RAPGEF4: variants seen among roughly 807,000 people sequenced by gnomAD.
RAPGEF4 encodes the protein Rap guanine nucleotide exchange factor 4.
In RAPGEF4, 66 loss-of-function variants were observed where a neutral mutation model predicts 147.9. The ratio of observed to expected loss-of-function variants is 0.45; its 90% CI spans 0.37 to 0.55. The LOEUF is 0.55. RAPGEF4 is among the 20% of genes least tolerant of loss of function. The pLI, the probability that RAPGEF4 is intolerant of heterozygous loss-of-function variation, is 0.00. For missense variants in RAPGEF4, 1,071 were observed against 1,257.3 expected (o/e 0.85, Z 2.24); for synonymous variants, 419 against 442.7 (o/e 0.95, Z 0.67).
intron 28 of RAPGEF4, 137 bp downstream of exon 28, chr2:173,036,349 G>A: frequency 4.0e-6 from 3 of 743,508 alleles, no homozygotes; most frequent in Non-Finnish European, 6.8e-6. Context: ...TCTCCTCTCA[G>A]TCCTGACTGT....
At chr2:172,804,690 G>A (rs1220129128) in intron 3 of RAPGEF4, among the ~76,000 whole-genome samples, 1 of 152,222 alleles carries the variant, frequency 6.6e-6, no homozygotes, top group African/African-American at 2.4e-5. Flanking sequence ...AAGGGCACCT[G>A]CTCACAAGCT....
At chr2:172,851,904 A>T (rs546305163) in intron 4 of RAPGEF4, among the ~76,000 whole-genome samples, 2 of 152,330 alleles carry the variant, frequency 1.3e-5, no homozygotes, top group South Asian at 4.1e-4. Flanking sequence ...AACTCCCGAG[A>T]CTTGCAATTT....
chr2:172,958,715 A>G (rs924679585), intron 6 of RAPGEF4, among the ~76,000 whole-genome samples: 1 of 152,232 alleles, frequency 6.6e-6, no homozygotes, highest in Non-Finnish European at 1.5e-5. Flanking sequence ...AGTGATTTCA[A>G]GAGGGGAAAA....
At chr2:172,765,842 G>A (rs1354142066) in intron 1 of RAPGEF4, among the ~76,000 whole-genome samples, 1 of 152,202 alleles carries the variant, frequency 6.6e-6, no homozygotes, top group Non-Finnish European at 1.5e-5. Flanking sequence ...ACGGGCTCTG[G>A]GTGTGTGCAG....
chr2:172,835,736 A>G (rs1260984880), intron 4 of RAPGEF4, among the ~76,000 whole-genome samples: 3 of 152,232 alleles, frequency 2.0e-5, no homozygotes, highest in African/African-American at 4.8e-5. Context: ...CCTTATTGAT[A>G]CATACCTTAA....
chr2:172,893,054 A>C (rs1028869750), intron 4 of RAPGEF4, among the ~76,000 whole-genome samples: 2 of 152,238 alleles, frequency 1.3e-5, no homozygotes, highest in Non-Finnish European at 2.9e-5. Context: ...AAACATTTCC[A>C]AAAGCCCCCT....
At chr2:172,820,786 A>G (rs1330733709) in intron 4 of RAPGEF4, among the ~76,000 whole-genome samples, 3 of 142,506 alleles carry the variant, frequency 2.1e-5, no homozygotes, top group Non-Finnish European at 4.7e-5. Flanking sequence ...TATGTTTATG[A>G]CTGTCTCTAT....
At chr2:172,945,342 C>A (rs950578124) in intron 6 of RAPGEF4, among the ~76,000 whole-genome samples, 4 of 152,034 alleles carry the variant, frequency 2.6e-5, no homozygotes, top group African/African-American at 9.7e-5. Context: ...TTGAAAACAT[C>A]AATAGGTTTT....
At chr2:172,900,170 C>G (rs1282627231) in intron 4 of RAPGEF4, among the ~76,000 whole-genome samples, 2 of 152,202 alleles carry the variant, frequency 1.3e-5, no homozygotes. Flanking sequence ...AGAATAAATG[C>G]AGTAAGAGCA....
intron 4 of RAPGEF4, among the ~76,000 whole-genome samples, chr2:172,868,634 A>T (rs566071484): frequency 6.6e-6 from 1 of 152,298 alleles, no homozygotes; most frequent in Non-Finnish European, 1.5e-5. Flanking sequence ...TCTGAACCTG[A>T]CAGTACTTAT....
chr2:173,027,822 G>A (rs1206577090), intron 25 of RAPGEF4, among the ~76,000 whole-genome samples: 4 of 152,038 alleles, frequency 2.6e-5, no homozygotes, highest in African/African-American at 9.7e-5. Context: ...TTACTACAGG[G>A]GCCAGTTAGA....
intron 4 of RAPGEF4, among the ~76,000 whole-genome samples, chr2:172,829,782 T>TTATA (rs576834288): frequency 4.7e-5 from 7 of 148,114 alleles, no homozygotes; most frequent in Non-Finnish European, 1.0e-4. Context: ...AATAACTCAT[T>TTATA]TATATATATA....
At chr2:172,993,574 GA>G (rs1337763873) in intron 15 of RAPGEF4, among the ~76,000 whole-genome samples, 1 of 151,722 alleles carries the variant, frequency 6.6e-6, no homozygotes, top group Admixed American at 6.6e-5. Context: ...GCTCTTTCAT[GA>G]AATAAACTGA....
At chr2:172,841,170 G>A (rs1275233379) in intron 4 of RAPGEF4, among the ~76,000 whole-genome samples, 1 of 152,204 alleles carries the variant, frequency 6.6e-6, no homozygotes, top group Non-Finnish European at 1.5e-5. Context: ...TGTTTGGCTG[G>A]TGGGGGCAGA....
chr2:172,849,995 C>T (rs1305893917), intron 4 of RAPGEF4, among the ~76,000 whole-genome samples: 3 of 152,184 alleles, frequency 2.0e-5, no homozygotes, highest in Non-Finnish European at 4.4e-5. Flanking sequence ...AGTAAGCAGA[C>T]AGGCTCACAG....
At chr2:172,762,613 A>T (rs1018628259) in intron 1 of RAPGEF4, among the ~76,000 whole-genome samples, 1 of 152,216 alleles carries the variant, frequency 6.6e-6, no homozygotes, top group African/African-American at 2.4e-5. Flanking sequence ...GGCAGGGGAC[A>T]GAAGAAGAGG....
chr2:172,823,471 T>G (rs1204024678), intron 4 of RAPGEF4, among the ~76,000 whole-genome samples: 1 of 152,192 alleles, frequency 6.6e-6, no homozygotes, highest in Non-Finnish European at 1.5e-5. Context: ...GCAAAGGCAG[T>G]TCTAGTTGGG....
chr2:172,916,390 C>T (rs1332817624), intron 4 of RAPGEF4, among the ~76,000 whole-genome samples: 1 of 152,172 alleles, frequency 6.6e-6, no homozygotes, highest in Non-Finnish European at 1.5e-5. Flanking sequence ...ACCAGTCCTC[C>T]TCTGCTCTCT....
At chr2:172,863,739 G>C (rs888532946) in intron 4 of RAPGEF4, among the ~76,000 whole-genome samples, 1 of 152,126 alleles carries the variant, frequency 6.6e-6, no homozygotes, top group Non-Finnish European at 1.5e-5. Flanking sequence ...TGGCAAAAAG[G>C]TTGTTTTCCA....
Sources: gnomAD v4.1 joint callset for allele counts (sites outside exome capture counted in the v4.1 genomes callset) on GRCh38, gnomAD v4.1.1 for gene constraint, MANE v1.5 for transcripts, NCBI Gene and HGNC (gene_info 2026-07-23, HGNC 2026-07-21) for gene names.